TEX22: variants seen among roughly 807,000 people sequenced by gnomAD.
TEX22 encodes the protein testis-expressed protein 22.
TEX22 carries 16 observed loss-of-function variants against 11.3 expected under a neutral mutation model. The observed-to-expected ratio is 1.42, with a 90% confidence interval of 0.96 to 2.15. The LOEUF is 2.15. TEX22 is among the 30% of genes most tolerant of loss of function. TEX22 has a pLI of 0.00. For missense variants in TEX22, 220 were observed against 208.6 expected, an observed-to-expected ratio of 1.05 and a Z score of -0.34; for synonymous variants, 97 against 92.3, an observed-to-expected ratio of 1.05 and a Z score of -0.29.
intron 2 of TEX22, among the ~76,000 whole-genome samples, chr14:105,408,886 G>A (rs914820924): frequency 1.8e-4 from 28 of 152,228 alleles, no homozygotes; most frequent in African/African-American, 6.3e-4. Context: ...CATCGTGACC[G>A]TGGGATGGCC....
At chr14:105,408,200 T>C (rs1555419005) in intron 2 of TEX22, among the ~76,000 whole-genome samples, 1 of 152,036 alleles carries the variant, frequency 6.6e-6, no homozygotes, top group East Asian at 1.9e-4. Context: ...AGGTGAGAAG[T>C]GCACTTTTGC....
rs2081608392 is a variant in TEX22 at position 105,399,223 on chromosome 14, C to A, written c.-39-79C>A. Reference sequence around the variant, plus strand: ...CAGACCGCGATACTGCCACCATCTGCCCCCAGGGACTCAGGTATTGGTGGG... The same window carrying A: ...CAGACCGCGATACTGCCACCATCTGACCCCAGGGACTCAGGTATTGGTGGG... On this transcript the variant is annotated intron_variant, in intron 1 of 3. Transcript: ENST00000451127. The A allele has an allele frequency of 7.4e-6, 6 of 810,834 alleles. No individual in the cohort carries two copies. The Admixed American group carries it at 1.6e-4, about 22-fold the overall frequency. The allele number at this position is 810,834 out of a possible 1,614,324, so 50.2% of individuals were successfully genotyped here. A position where few individuals can be genotyped will look rare whatever the true frequency, so the allele number is the denominator to read the frequency against.
At position 105,412,624 on chromosome 14, in the gene TEX22, G is replaced by A. The variant is rs2081701547; in HGVS notation, c.*791G>A. ...GGTAACGTGTCCCAGCTGCATTTTGGGGACACTAAGTTGCAGGGGGACTGG... is the reference window on the plus strand; with the variant it reads ...GGTAACGTGTCCCAGCTGCATTTTGAGGACACTAAGTTGCAGGGGGACTGG... On this transcript the variant is annotated 3_prime_UTR_variant, in exon 4 of 4. Coordinates refer to ENST00000451127, the MANE Select transcript of TEX22 (RefSeq NM_001195082.2). This position sits in a 1 kb window ranked among gnomAD's most constrained non-coding sequence, Gnocchi z 5.8. The A allele has an allele frequency of 6.6e-6, 1 of 151,988 alleles. No individual in the cohort carries two copies. The highest frequency in any genetic ancestry group is 1.5e-5 in the Non-Finnish European group (1 of 68,018). The allele number at this position is 151,988 out of a possible 1,614,324, so 9.4% of individuals were successfully genotyped here.
chr14:105,402,735 G>C (rs587658194), intron 2 of TEX22, among the ~76,000 whole-genome samples: 24 of 143,094 alleles, frequency 1.7e-4, no homozygotes, highest in African/African-American at 5.2e-4. Flanking sequence ...CAGCCTGGGC[G>C]ACAGAGCGAG....
intron 2 of TEX22, among the ~76,000 whole-genome samples, chr14:105,404,462 G>C (rs1300644838): frequency 6.6e-6 from 1 of 152,246 alleles, no homozygotes; most frequent in Non-Finnish European, 1.5e-5. Context: ...ACCAGGAGGT[G>C]AGGATCATTG....
intron 2 of TEX22, among the ~76,000 whole-genome samples, chr14:105,411,077 C>A (rs1311477031): frequency 6.6e-6 from 1 of 152,252 alleles, no homozygotes; most frequent in Non-Finnish European, 1.5e-5. Flanking sequence ...GCCGGTCAAG[C>A]CGGGGGCCGG....
intron 2 of TEX22, among the ~76,000 whole-genome samples, chr14:105,404,050 C>T (rs928164460): frequency 4.3e-4 from 66 of 152,292 alleles, no homozygotes; most frequent in African/African-American, 1.5e-3. Flanking sequence ...TCTTAGTTTC[C>T]GTAGGTCAGA....
chr14:105,411,756 T>C lies in TEX22; in HGVS notation c.376T>C (p.Phe126Leu). 1 of 1,515,036 alleles carries C rather than the reference T, an allele frequency of 6.6e-7. No individual in the cohort carries two copies. Among genetic ancestry groups the C allele is most frequent in the South Asian group, 1.2e-5 (1 of 83,320 alleles). The allele number at this position is 1,515,036 out of a possible 1,614,324, so 93.8% of individuals were successfully genotyped here. A position where few individuals can be genotyped will look rare whatever the true frequency, so the allele number is the denominator to read the frequency against. The change falls in exon 4 of 4, where the codon TTC becomes CTC. Residue 126 changes from phenylalanine to leucine, a missense_variant. Physicochemically the swap from Phe to Leu is conservative, Grantham distance 22. Transcript: ENST00000451127. The stretch of plus-strand genomic sequence containing the variant: ...GAGGTCCACCGAGTCCACCAACGCC[T>C]TCCAGGCCTTCCTGGCGCGCAGTGC... ...PLRSTESTNA[F>L]QAFLARSAPF...
intron 2 of TEX22, among the ~76,000 whole-genome samples, chr14:105,409,642 T>C (rs1335523738): frequency 6.6e-6 from 1 of 151,388 alleles, no homozygotes; most frequent in Non-Finnish European, 1.5e-5. Flanking sequence ...CCTCCTGAAG[T>C]GCTTGGATTA....
At chr14:105,402,692 C>G (rs2081637709) in intron 2 of TEX22, among the ~76,000 whole-genome samples, 1 of 148,424 alleles carries the variant, frequency 6.7e-6, no homozygotes, top group African/African-American at 2.5e-5. Context: ...GGAGGCGGAG[C>G]TTGCAGTGAG....
chr14:105,403,760 A>G (rs1566984658), intron 2 of TEX22, among the ~76,000 whole-genome samples: 1 of 152,210 alleles, frequency 6.6e-6, no homozygotes, highest in Non-Finnish European at 1.5e-5. Flanking sequence ...TCCCAAAAAC[A>G]ATTCAGTGTT....
At chr14:105,405,264 T>A (rs1448033928) in intron 2 of TEX22, among the ~76,000 whole-genome samples, 1 of 151,636 alleles carries the variant, frequency 6.6e-6, no homozygotes, top group Non-Finnish European at 1.5e-5. Flanking sequence ...CACTCCAGCC[T>A]GGGCAACAGA....
At chr14:105,399,170 C>T in intron 1 of TEX22, 132 bp from the exon 2 acceptor site, 1 of 610,506 alleles carries the variant, frequency 1.6e-6, no homozygotes. Context: ...TCAGTGATGC[C>T]TGACCTTTGG....
At chr14:105,409,372 C>T (rs2081676432) in intron 2 of TEX22, among the ~76,000 whole-genome samples, 1 of 152,178 alleles carries the variant, frequency 6.6e-6, no homozygotes, top group Non-Finnish European at 1.5e-5. Flanking sequence ...GCTTGAATGA[C>T]ACCTTGGTTG....
chr14:105,405,710 G>T (rs781934186), intron 2 of TEX22, among the ~76,000 whole-genome samples: 12 of 152,170 alleles, frequency 7.9e-5, no homozygotes, highest in Non-Finnish European at 7.3e-5. Flanking sequence ...GAGGCAAAAA[G>T]GTGACAAAAT....
intron 2 of TEX22, among the ~76,000 whole-genome samples, chr14:105,402,501 T>C (rs587643131): frequency 1.6e-4 from 25 of 152,198 alleles, no homozygotes; most frequent in African/African-American, 4.3e-4. Flanking sequence ...ACGCCTGTAA[T>C]CCCAGCACTT....
chr14:105,399,422 C>T lies in TEX22; in HGVS notation c.82C>T (p.Leu28=). The change falls in exon 2 of 4, where the codon CTG becomes TTG. Residue 28 remains leucine, a synonymous_variant. Coordinates refer to ENST00000451127, the MANE Select transcript of TEX22 (RefSeq NM_001195082.2). ...SQEHRRPPLG[L]IAAWGQPSIQ... ...AGAGCACAGGCGGCCCCCACTGGGC[C>T]TGATAGCAGCCTGGGGCCAGCCCAG... The T allele has an allele frequency of 6.5e-7, 1 of 1,535,828 alleles. No homozygotes were observed. Among genetic ancestry groups the T allele is most frequent in the Non-Finnish European group, 8.7e-7 (1 of 1,146,784 alleles).
At chr14:105,411,554 C>A in intron 3 of TEX22, 58 bp downstream of exon 3, 1 of 1,185,056 alleles carries the variant, frequency 8.4e-7, no homozygotes, top group South Asian at 3.9e-5. Flanking sequence ...CCCTCCGCCT[C>A]GCCTCCCTCG....
chr14:105,403,278 T>C (rs2081642318), intron 2 of TEX22, among the ~76,000 whole-genome samples: 2 of 152,212 alleles, frequency 1.3e-5, no homozygotes, highest in African/African-American at 2.4e-5. Context: ...ACTATAATTA[T>C]CTTGAAAGCA....
Sources: allele counts gnomAD v4.1 joint callset (sites outside exome capture counted in the v4.1 genomes callset), GRCh38; gene constraint gnomAD v4.1.1; non-coding constraint Gnocchi (gnomAD v3.1); transcripts MANE v1.5; gene names NCBI Gene and HGNC (gene_info 2026-07-23, HGNC 2026-07-21).